The following POLD1 variants were observed in gnomAD, a reference collection of about 807,000 sequenced individuals.
POLD1 encodes the protein DNA polymerase delta 1, catalytic subunit.
Under a neutral mutation model 129.7 loss-of-function variants are expected in POLD1, and 79 were observed. The ratio of observed to expected loss-of-function variants is 0.61; its 90% CI spans 0.51 to 0.73. The LOEUF (loss-of-function observed/expected upper bound fraction) is 0.73. Among genes scored for constraint, POLD1 ranks in the 30% least tolerant of loss-of-function variants. The pLI, the probability that POLD1 is intolerant of heterozygous loss-of-function variation, is 0.00. For missense variants in POLD1, 1,338 were observed against 1,595.8 expected (o/e 0.84, Z 2.75); for synonymous variants, 714 against 683.3 (o/e 1.04, Z -0.70).
chr19:50,398,844 C>T lies in POLD1; in HGVS notation c.-1-7C>T, dbSNP rs1057523942. ...GAACCTCCACCAAGCTCCAACTTGC[C>T]CAGCAGGATGGATGGCAAGCGGCGG... On this transcript the variant is annotated splice_polypyrimidine_tract_variant and splice_region_variant and intron_variant, in intron 1 of 26. Transcript: ENST00000440232. The T allele has an allele frequency of 1.9e-6, 3 of 1,607,624 alleles. No individual in the cohort carries two copies. The highest frequency in any genetic ancestry group is 1.3e-5 in the African/African-American group (1 of 74,808).
intron 3 of POLD1, 42 bp downstream of exon 3, chr19:50,399,526 C>CCTGG: frequency 6.8e-7 from 1 of 1,468,674 alleles, no homozygotes; most frequent in East Asian, 2.3e-5. Context: ...GCCCTGCGCT[C>CCTGG]CTGGGGCAGA....
chr19:50,403,635 C>A (rs761733660), intron 10 of POLD1, 38 bp downstream of exon 10: 1 of 1,366,472 alleles, frequency 7.3e-7, no homozygotes, highest in African/African-American at 1.4e-5. Context: ...TCTCAGATGC[C>A]CCAGGTGTGG....
chr19:50,400,520 C>CTTT (rs1568616865), intron 3 of POLD1, among the ~76,000 whole-genome samples: 15 of 123,428 alleles, frequency 1.2e-4, no homozygotes, highest in African/African-American at 4.7e-4. Context: ...TGTGCCCCGC[C>CTTT]TATTTTTTTT....
chr19:50,415,911 TG>T, intron 22 of POLD1, 85 bp downstream of exon 22: 1 of 1,063,788 alleles, frequency 9.4e-7, no homozygotes. Context: ...GCGGGAAGGG[TG>T]GGGCCTCCCG....
Position 50,413,719 on chromosome 19 carries a change from A to G in POLD1, c.2251-23A>G, listed in dbSNP as rs3218769. ...ACAGAAGGGACCCTGCTTCTCACAT[A>G]CACACATCCCCACCGCCCGCAGGTG... On this transcript the variant is annotated intron_variant, in intron 18 of 26. Coordinates refer to ENST00000440232, the MANE Select transcript of POLD1 (RefSeq NM_002691.4). 3,664 of 1,582,276 alleles carry G rather than the reference A, an allele frequency of 2.3e-3. 86 individuals carry two copies. In the African/African-American group the frequency reaches 0.044, roughly 19 times the overall value.
rs1368412807 is a variant in POLD1, at chr19:50,406,060, CAGGGTTGCTCTCGACCCCCT to C, written c.1243-114_1243-95del. 1.7e-6 allele frequency: 2 copies of C among 1,175,626 alleles called. No individual in the cohort carries two copies. The highest frequency in any genetic ancestry group is 2.4e-6 in the Non-Finnish European group (2 of 821,454). 72.8% of individuals were successfully genotyped at this position (1,175,626 alleles called of 1,614,324 possible). On this transcript the variant is annotated intron_variant, in intron 10 of 26. Coordinates refer to ENST00000440232, the MANE Select transcript of POLD1 (RefSeq NM_002691.4). The surrounding 1 kb of genome is among the most constrained non-coding windows in gnomAD (Gnocchi z 5.5). ...CAGCCCCAGACCGTCTTTCTGCCCCCAGGGTTGCTCTCGACCCCCTAGGGTTGTTATAAGGATGTTGTGGT... is the reference window on the plus strand; with the variant it reads ...CAGCCCCAGACCGTCTTTCTGCCCCCAGGGTTGTTATAAGGATGTTGTGGT...
chr19:50,405,793 C>G (rs1352923579), intron 10 of POLD1, among the ~76,000 whole-genome samples: 1 of 152,116 alleles, frequency 6.6e-6, no homozygotes, highest in Non-Finnish European at 1.5e-5. Context: ...CAGGCGCCCT[C>G]CAGCGCCCTC....
intron 1 of POLD1, among the ~76,000 whole-genome samples, chr19:50,391,453 C>T (rs1653390589): frequency 6.6e-6 from 1 of 152,184 alleles, no homozygotes; most frequent in Admixed American, 6.5e-5. Context: ...CCCGGCACCT[C>T]GGGAGGCCCA....
Position 50,409,677 on chromosome 19 carries a change from G to A in POLD1, c.2154+11G>A, listed in dbSNP as rs755701909. 3.1e-6 allele frequency: 5 copies of A among 1,589,950 alleles called. No homozygotes were observed. The highest frequency in any genetic ancestry group is 1.1e-5 in the South Asian group (1 of 89,158). On this transcript the variant is annotated intron_variant, in intron 17 of 26. Transcript: ENST00000440232. This position sits in a 1 kb window ranked among gnomAD's most constrained non-coding sequence, Gnocchi z 5.8. ...CTGGAGATCTCACAGGTGGGCACTC[G>A]GGCCCCTGGAAGGCAACTGGGGGCA...
intron 1 of POLD1, among the ~76,000 whole-genome samples, chr19:50,396,862 G>GA (rs2038385755): frequency 6.9e-6 from 1 of 144,802 alleles, no homozygotes; most frequent in Non-Finnish European, 1.5e-5. Flanking sequence ...TTGGGAGGCC[G>GA]AGGCAGGTGG....
At chr19:50,407,660 G>A (rs1471418409) in intron 14 of POLD1, among the ~76,000 whole-genome samples, 1 of 149,970 alleles carries the variant, frequency 6.7e-6, no homozygotes, top group Non-Finnish European at 1.5e-5. Flanking sequence ...CCGGGTTCAC[G>A]CCATTCTCCT....
intron 2 of POLD1, 96 bp downstream of exon 2, chr19:50,399,149 A>G: frequency 6.5e-7 from 1 of 1,529,424 alleles, no homozygotes; most frequent in Non-Finnish European, 8.9e-7. Flanking sequence ...CTGTGACCCC[A>G]CTCTGGCCAA....
chr19:50,413,706 C>T (rs2122444141), intron 18 of POLD1, 36 bp from the exon 19 acceptor site: 1 of 1,568,474 alleles, frequency 6.4e-7, no homozygotes, highest in Non-Finnish European at 8.6e-7. Context: ...AGAAGGGACC[C>T]TGCTTCTCAC....
chr19:50,391,848 G>T (rs1354279270), intron 1 of POLD1, among the ~76,000 whole-genome samples: 1 of 152,098 alleles, frequency 6.6e-6, no homozygotes, highest in African/African-American at 2.4e-5. Flanking sequence ...AAGTAGCTGG[G>T]ATTATAGGCG....
Position 50,388,686 on chromosome 19 carries a change from G to A in POLD1, c.-2+4296G>A, listed in dbSNP as rs114888872. Among the ~76,000 whole-genome samples, 446 of 151,612 alleles carry A rather than the reference G, an allele frequency of 2.9e-3. 2 individuals carry two copies. Among genetic ancestry groups the A allele is most frequent in the African/African-American group, 0.01 (416 of 40,886 alleles). On this transcript the variant is annotated intron_variant, in intron 1 of 26. Transcript: ENST00000440232. ...GGCCCTTTGCCTAGATTCACTGGCT[G>A]TTGGCATGACACCTCATTTGCTTTA...
At chr19:50,413,017 T>C (rs964816579) in intron 17 of POLD1, among the ~76,000 whole-genome samples, 2 of 152,092 alleles carry the variant, frequency 1.3e-5, no homozygotes, top group African/African-American at 4.8e-5. Flanking sequence ...GTAGGGCCAG[T>C]TCTGGTGGTA....
chr19:50,400,888 G>A (rs1184411861), intron 3 of POLD1, among the ~76,000 whole-genome samples: 4 of 151,164 alleles, frequency 2.6e-5, no homozygotes, highest in African/African-American at 9.7e-5. Context: ...AGTAGAGATG[G>A]GGTTTCACCG....
At chr19:50,388,162 G>T (rs1004642715) in intron 1 of POLD1, among the ~76,000 whole-genome samples, 1 of 152,216 alleles carries the variant, frequency 6.6e-6, no homozygotes, top group African/African-American at 2.4e-5. Flanking sequence ...GCTGCCAGGG[G>T]TGGGGGCAGA....
intron 17 of POLD1, among the ~76,000 whole-genome samples, chr19:50,411,993 A>T (rs1023060541): frequency 1.3e-5 from 2 of 152,112 alleles, no homozygotes; most frequent in African/African-American, 4.8e-5. Flanking sequence ...AACCAAACAA[A>T]ACTAGCCAGG....
Sources: gnomAD v4.1 joint callset for allele counts (sites outside exome capture counted in the v4.1 genomes callset) on GRCh38, gnomAD v4.1.1 for gene constraint, Gnocchi (gnomAD v3.1) non-coding constraint, MANE v1.5 for transcripts, NCBI Gene and HGNC (gene_info 2026-07-23, HGNC 2026-07-21) for gene names.